Variants in DRICH1 observed in about 807,000 individuals in gnomAD.
DRICH1 encodes aspartate rich 1, also known as aspartate-rich protein 1.
DRICH1 carries 38 observed loss-of-function variants against 39.5 expected under a neutral mutation model. That is an observed-to-expected ratio of 0.96 (90% CI 0.74 to 1.26). The LOEUF is 1.26. DRICH1 is among the 50% of genes most tolerant of loss of function. The pLI, the probability that DRICH1 is intolerant of heterozygous loss-of-function variation, is 0.00. For synonymous variants in DRICH1, 84 were observed against 99.5 expected, an observed-to-expected ratio of 0.84 and a Z score of 0.93; for missense variants, 279 against 270.4, an observed-to-expected ratio of 1.03 and a Z score of -0.22.
chr22:23,605,627 C>T (rs538164357), downstream of DRICH1, among the ~76,000 whole-genome samples: 783 of 152,108 alleles, frequency 5.1e-3, 3 homozygotes, highest in Middle Eastern at 0.017. Flanking sequence ...CCTCCATTCC[C>T]ACCCCTGCCT....
At chr22:23,620,139 C>T (rs1338611850) in intron 5 of DRICH1, among the ~76,000 whole-genome samples, 1 of 152,130 alleles carries the variant, frequency 6.6e-6, no homozygotes, top group Non-Finnish European at 1.5e-5. Flanking sequence ...TGACATTAAA[C>T]TCTGAAAAGA....
At position 23,608,780 on chromosome 22, in the gene DRICH1, G is replaced by C; in HGVS notation, c.686-12C>G. On this transcript the variant is annotated splice_polypyrimidine_tract_variant and intron_variant, in intron 11 of 11. Coordinates refer to ENST00000317749, the MANE Select transcript of DRICH1 (RefSeq NM_016449.4). ...AGAAGGGCTTCACCCTGGATGAAGA[G>C]ATAATCCCTTTTTAGTGAGAGCAGG... 1.3e-6 allele frequency: 2 copies of C among 1,560,200 alleles called. No individual in the cohort carries two copies. Among genetic ancestry groups the C allele is most frequent in the Non-Finnish European group, 1.7e-6 (2 of 1,150,656 alleles).
rs1439822265 is a variant in DRICH1 at position 23,624,874 on chromosome 22, G to T, written c.298+9C>A. 3 of 1,613,086 alleles carry T rather than the reference G, an allele frequency of 1.9e-6. No individual in the cohort carries two copies. Among genetic ancestry groups the T allele is most frequent in the Admixed American group, 1.7e-5 (1 of 59,998 alleles). On this transcript the variant is annotated intron_variant, in intron 3 of 11. Coordinates refer to ENST00000317749, the MANE Select transcript of DRICH1 (RefSeq NM_016449.4). ...TTTCTCAGAAAGTGAGTTAGTTCAA[G>T]GTACGTACCCTGGACAGGTGATGGT...
chr22:23,606,405 C>A (rs1926733562), downstream of DRICH1, among the ~76,000 whole-genome samples: 1 of 152,130 alleles, frequency 6.6e-6, no homozygotes, highest in Admixed American at 6.5e-5. Context: ...CATGTGATGC[C>A]CCCCTTCCCA....
chr22:23,604,968 G>A (rs1029843920), downstream of DRICH1, among the ~76,000 whole-genome samples: 1 of 152,138 alleles, frequency 6.6e-6, no homozygotes, highest in Non-Finnish European at 1.5e-5. Flanking sequence ...CCAGTCCACT[G>A]CATTTGGTGC....
chr22:23,608,998 C>T (rs906673357), intron 11 of DRICH1, among the ~76,000 whole-genome samples: 2 of 152,162 alleles, frequency 1.3e-5, no homozygotes, highest in Non-Finnish European at 2.9e-5. Context: ...AGTCCTGAGC[C>T]CCACACCCTT....
At chr22:23,626,536 G>A (rs1928074208) in intron 1 of DRICH1, among the ~76,000 whole-genome samples, 1 of 152,144 alleles carries the variant, frequency 6.6e-6, no homozygotes, top group Non-Finnish European at 1.5e-5. Flanking sequence ...TCACTCAACT[G>A]CTCCCCAGAG....
In DRICH1 at chr22:23,617,691, GT is replaced by G. The variant is rs200539481; in HGVS notation, c.437-35del. 5.1e-3 allele frequency: 8,258 copies of G among 1,607,666 alleles called. 334 individuals carry two copies. In the African/African-American group the frequency reaches 0.095, roughly 18 times the overall value. Reference sequence around the variant, plus strand: ...ACACAGAGGAAAGATCCGTGCCCTGGTTGTTTGTGACTGTGAGTCACTCAGG... The same window carrying G: ...ACACAGAGGAAAGATCCGTGCCCTGGTGTTTGTGACTGTGAGTCACTCAGG... On this transcript the variant is annotated intron_variant, in intron 6 of 11. Transcript: ENST00000317749.
chr22:23,609,105 TG>T (rs1926892229), intron 11 of DRICH1, among the ~76,000 whole-genome samples: 2 of 152,160 alleles, frequency 1.3e-5, no homozygotes, highest in Admixed American at 6.5e-5. Context: ...AAGAGGCAAC[TG>T]GTCATTCAAC....
chr22:23,624,605 T>C (rs1013027038), intron 3 of DRICH1, among the ~76,000 whole-genome samples: 1 of 152,138 alleles, frequency 6.6e-6, no homozygotes, highest in African/African-American at 2.4e-5. Context: ...ATCCACTCTT[T>C]AGGATTCTGG....
At position 23,616,888 on chromosome 22, in the gene DRICH1, AAAG is replaced by A. The variant is rs748081607; in HGVS notation, c.520-17_520-15del. ...TGACGGTAAAATCTGCAATGAGATA[AAAG>A]AAGATGCTGTAAGGATCAGATCAAT... On this transcript the variant is annotated splice_polypyrimidine_tract_variant and intron_variant, in intron 7 of 11. Transcript: ENST00000317749. 19 of 1,613,960 alleles carry A rather than the reference AAAG, an allele frequency of 1.2e-5. No homozygotes were observed. In the East Asian group the frequency reaches 4.0e-4, roughly 34 times the overall value.
At chr22:23,593,189 G>A in the DRICH1 span, among the ~76,000 whole-genome samples, 1 of 152,044 alleles carries the variant, frequency 6.6e-6, no homozygotes, top group African/African-American at 2.4e-5. Flanking sequence ...TTAATAAAAT[G>A]AGAATATCAA....
intron 11 of DRICH1, among the ~76,000 whole-genome samples, chr22:23,611,814 G>A (rs1198172588): frequency 6.6e-6 from 1 of 152,186 alleles, no homozygotes; most frequent in Non-Finnish European, 1.5e-5. Context: ...CGTGTCTGTG[G>A]TGAGGCGGGT....
chr22:23,612,268 C>G (rs2051083640), intron 11 of DRICH1, among the ~76,000 whole-genome samples: 1 of 151,896 alleles, frequency 6.6e-6, no homozygotes, highest in Admixed American at 6.6e-5. Flanking sequence ...GAGTTCCTGA[C>G]TAGCCTGGCC....
intron 11 of DRICH1, 67 bp from the exon 12 acceptor site, chr22:23,608,835 C>A: frequency 6.6e-7 from 1 of 1,523,820 alleles, no homozygotes. Context: ...TGACATCATC[C>A]CACTAAGCAG....
chr22:23,613,658 T>C lies in DRICH1; in HGVS notation c.624A>G (p.Ile208Met), dbSNP rs1927175854. 1 of 1,598,534 alleles carries C rather than the reference T, an allele frequency of 6.3e-7. No homozygotes were observed. ...ACATACCACTTTCTATCCGAGCTGT[T>C]ATCTGCAATTATATAAAAGAAAACA... Reference protein sequence around the residue: ...EEEEDDDDIHITARIESDLTL... With the variant: ...EEEEDDDDIHMTARIESDLTL... Residue 208 changes from isoleucine (I) to methionine (M), a missense_variant and splice_region_variant, in exon 10 of 12, where the codon ATA becomes ATG. By Grantham distance (10) the Ile-to-Met change is conservative (BLOSUM62 1). Transcript: ENST00000317749.
downstream of DRICH1, among the ~76,000 whole-genome samples, chr22:23,605,384 ACT>A (rs1294423523): frequency 6.6e-6 from 1 of 151,944 alleles, no homozygotes; most frequent in Non-Finnish European, 1.5e-5. Context: ...CTAGGAGGTG[ACT>A]CTGGCTGAGG....
At chr22:23,606,751 C>T (rs1926753582), downstream of DRICH1, among the ~76,000 whole-genome samples, 1 of 152,192 alleles carries the variant, frequency 6.6e-6, no homozygotes, top group African/African-American at 2.4e-5. Flanking sequence ...GGCCACTGTG[C>T]CCTGCTACGG....
intron 3 of DRICH1, chr22:23,623,836 G>T: frequency 1.8e-6 from 1 of 570,580 alleles, no homozygotes; most frequent in Non-Finnish European, 2.2e-6. Context: ...AGAATTAAAT[G>T]CACACATACA....
Sources: gnomAD v4.1 joint callset for allele counts (sites outside exome capture counted in the v4.1 genomes callset) on GRCh38, gnomAD v4.1.1 for gene constraint, MANE v1.5 for transcripts, NCBI Gene and HGNC (gene_info 2026-07-23, HGNC 2026-07-21) for gene names.